Variants in GATD1 observed in about 807,000 individuals in gnomAD.
GATD1 encodes the protein glutamine amidotransferase class 1 domain containing 1.
A neutral mutation model predicts 25.9 loss-of-function variants in GATD1; 23 were observed. The ratio of observed to expected loss-of-function variants is 0.89; its 90% CI spans 0.64 to 1.26. The LOEUF (loss-of-function observed/expected upper bound fraction) is 1.26. Ranked by LOEUF, GATD1 falls within the 50% of genes most tolerant of loss-of-function variation. The pLI, the probability that GATD1 is intolerant of heterozygous loss-of-function variation, is 0.00. For synonymous variants in GATD1, 177 were observed against 134.6 expected (o/e 1.31, Z -2.18); for missense variants, 347 against 312.5 (o/e 1.11, Z -0.83).
rs1863178338 is a variant in GATD1 at position 768,406 on chromosome 11, C to A, written c.*2491G>T. The A allele has an allele frequency of 6.7e-6, 1 of 150,356 alleles. No individual in the cohort carries two copies. Among genetic ancestry groups the A allele is most frequent in the Admixed American group, 6.7e-5 (1 of 15,004 alleles). The allele number at this position is 150,356 out of a possible 1,614,324, so 9.3% of individuals were successfully genotyped here. On this transcript the variant is annotated 3_prime_UTR_variant, in exon 8 of 8. Transcript: ENST00000319863. Reference sequence around the variant, plus strand: ...ACTGCTTGAATCTGGGAGGCAGAGGCAGAGGTTGCAGTGAGCTGAGATCGC... The same window carrying A: ...ACTGCTTGAATCTGGGAGGCAGAGGAAGAGGTTGCAGTGAGCTGAGATCGC...
At chr11:776,785 TG>T (rs2133659469) in intron 1 of GATD1, 1 of 152,872 alleles carries the variant, frequency 6.5e-6, no homozygotes, top group South Asian at 2.1e-4. Context: ...CCTGCTGCCC[TG>T]AGACCCTGCA....
At position 771,091 on chromosome 11, in the gene GATD1, G is replaced by A. The variant is rs368137813; in HGVS notation, c.558C>T (p.Asp186=). ...GGCGGTCCAGCACGACGTGGACAGC[G>A]TCAGGCTCGCTTGCTGGGGAGGACC... ...SGACFSASEP[D]AVHVVLDRHL... is the part of the protein sequence containing the mutation. Residue 186 remains aspartate (D), a synonymous_variant, in exon 7 of 8, where the codon GAC becomes GAT. Transcript: ENST00000319863. 28 of 1,602,568 alleles carry A rather than the reference G, an allele frequency of 1.7e-5. No individual in the cohort carries two copies. Among genetic ancestry groups the A allele is most frequent in the African/African-American group, 8.0e-5 (6 of 74,674 alleles).
At position 767,380 on chromosome 11, in the gene GATD1, A is replaced by G. The variant is rs1863109228; in HGVS notation, c.*3517T>C. 1.3e-6 allele frequency: 2 copies of G among 1,535,670 alleles called. No homozygotes were observed. The highest frequency in any genetic ancestry group is 1.7e-6 in the Non-Finnish European group (2 of 1,146,630). ...TGCTGCCCCAAGCCCTGCCCTGGCA[A>G]AGAGAGAACTGTGCACAGCGGGGAG... On this transcript the variant is annotated 3_prime_UTR_variant, in exon 8 of 8. Coordinates refer to ENST00000319863, the MANE Select transcript of GATD1 (RefSeq NM_182612.4).
chr11:771,450 C>T (rs994490763), intron 5 of GATD1, 24 bp from the exon 6 acceptor site: 8 of 1,512,368 alleles, frequency 5.3e-6, no homozygotes, highest in African/African-American at 1.4e-5. Flanking sequence ...GTGGGGGCTC[C>T]TGAGACAGGC....
At chr11:774,233 C>T (rs1250397290) in intron 2 of GATD1, 120 bp from the exon 3 acceptor site, 3 of 752,588 alleles carry the variant, frequency 4.0e-6, no homozygotes, top group African/African-American at 1.7e-5. Flanking sequence ...CAAAGGCCCC[C>T]GACCACCCAG....
At position 770,027 on chromosome 11, in the gene GATD1, A is replaced by C. The variant is rs1377268439; in HGVS notation, c.*870T>G. 36 of 1,100,302 alleles carry C rather than the reference A, an allele frequency of 3.3e-5. No individual in the cohort carries two copies. The East Asian group carries it at 1.2e-3, about 38-fold the overall frequency. 68.2% of individuals were successfully genotyped at this position (1,100,302 alleles called of 1,614,324 possible). On this transcript the variant is annotated 3_prime_UTR_variant, in exon 8 of 8. Coordinates refer to ENST00000319863, the MANE Select transcript of GATD1 (RefSeq NM_182612.4). ...TGAGACGGGGAGGTGGGCAGGAAGA[A>C]GGCCTTCGATGGCTCAAACTGGGGA... is the stretch of plus-strand genomic sequence containing the variant.
intron 2 of GATD1, among the ~76,000 whole-genome samples, chr11:774,338 T>C (rs1448752974): frequency 6.6e-6 from 1 of 152,226 alleles, no homozygotes; most frequent in Non-Finnish European, 1.5e-5. Flanking sequence ...AAAATTTTTA[T>C]ACATAATAAA....
In GATD1 at chr11:770,687, A is replaced by G; in HGVS notation, c.*210T>C. The G allele has an allele frequency of 1.4e-6, 2 of 1,427,818 alleles. No homozygotes were observed. The highest frequency in any genetic ancestry group is 2.9e-5 in the Admixed American group (1 of 35,070). The allele number at this position is 1,427,818 out of a possible 1,614,324, so 88.4% of individuals were successfully genotyped here. On this transcript the variant is annotated 3_prime_UTR_variant, in exon 8 of 8. Transcript: ENST00000319863. ...TTTTCTCTGCCTCCTACCAGAGAAC[A>G]TGCAGGAGGATGGGGGTTTGGACCC... is the stretch of plus-strand genomic sequence containing the variant.
chr11:771,685 G>A (rs954423385), intron 5 of GATD1, among the ~76,000 whole-genome samples: 1 of 152,200 alleles, frequency 6.6e-6, no homozygotes, highest in Non-Finnish European at 1.5e-5. Context: ...GAGCACACAG[G>A]TGACTAGAAT....
chr11:776,942 T>A (rs1204207052), intron 1 of GATD1: 1 of 152,782 alleles, frequency 6.5e-6, no homozygotes, highest in East Asian at 1.9e-4. Context: ...AGCCGGTGGC[T>A]CAGAAGGTCA....
Position 773,546 on chromosome 11 carries a change from G to C in GATD1, c.331C>G (p.Leu111Val), listed in dbSNP as rs765434239. ...CTGCTCTCAGAGTGGAAGTGCTGCA[G>C]GATACGGGCCAGGGAGCCACTGCTG... ...LASSGSLARI[L>V]QHFHSESKPI... Residue 111 changes from leucine to valine, a missense_variant, in exon 4 of 8, where the codon CTG (leucine) becomes GTG (valine). Transcript: ENST00000319863. 3 of 1,610,500 alleles carry C rather than the reference G, an allele frequency of 1.9e-6. No homozygotes were observed. Among genetic ancestry groups the C allele is most frequent in the Admixed American group, 3.4e-5 (2 of 59,344 alleles).
chr11:772,383 G>A (rs533205329), intron 5 of GATD1, 44 bp downstream of exon 5: 1 of 1,395,850 alleles, frequency 7.2e-7, no homozygotes, highest in Admixed American at 1.7e-5. Context: ...GATGGGGGAG[G>A]ACAGAGCAGG....
In GATD1 at chr11:771,345, C is replaced by T. The variant is rs576751525; in HGVS notation, c.532G>A (p.Ala178Thr). The part of the protein sequence containing the change: ...VVEDFVKDSG[A>T]CFSASEPDAV... ...CCTCGAGGCTCACCACTGAAGCAGG[C>T]GCCCGAATCCTTCACGAAGTCCTCC... The change falls in exon 6 of 8, where the codon GCC (alanine) becomes ACC (threonine). Residue 178 changes from alanine (A) to threonine (T), a missense_variant. Coordinates refer to ENST00000319863, the MANE Select transcript of GATD1 (RefSeq NM_182612.4). 60 of 1,597,634 alleles carry T rather than the reference C, an allele frequency of 3.8e-5. No individual in the cohort carries two copies. Among genetic ancestry groups the T allele is most frequent in the South Asian group, 2.2e-4 (20 of 89,540 alleles).
chr11:771,582 C>A (rs113277120), intron 5 of GATD1, 156 bp from the exon 6 acceptor site: 1 of 1,395,606 alleles, frequency 7.2e-7, no homozygotes, highest in Non-Finnish European at 9.3e-7. Flanking sequence ...GGCTGGAGGG[C>A]GGAGAGATGA....
In GATD1 at chr11:772,519, G is replaced by A. The variant is rs943921215; in HGVS notation, c.358C>T (p.Pro120Ser). Residue 120 changes from proline (P) to serine (S), a missense_variant and splice_region_variant, in exon 5 of 8, where the codon CCC becomes TCC. Physicochemically the swap from Pro to Ser is moderately conservative, Grantham distance 74 (BLOSUM62 -1). Transcript: ENST00000319863. ...ILQHFHSESK[P>S]ICAVGHGVAA... The stretch of plus-strand genomic sequence containing the variant: ...ACACCGTGGCCGACGGCGCAGATGG[G>A]TTCTGAAAGCCGTACATGGCGTTGA... 1 of 1,610,472 alleles carries A rather than the reference G, an allele frequency of 6.2e-7. No individual in the cohort carries two copies. The highest frequency in any genetic ancestry group is 8.5e-7 in the Non-Finnish European group (1 of 1,179,878).
rs1253378324 is a variant in GATD1, at chr11:774,063, C to T, written c.192G>A (p.Val64=). 7 of 1,613,732 alleles carry T rather than the reference C, an allele frequency of 4.3e-6. No homozygotes were observed. Among genetic ancestry groups the T allele is most frequent in the East Asian group, 2.2e-5 (1 of 44,884 alleles). ...VDVTESNARW[V]QDFRLKAYAS... The stretch of plus-strand genomic sequence containing the variant: ...CGTAAGCCTTGAGGCGGAAGTCTTG[C>T]ACCCAGCGTGCATTGCTCTCAGTCA... Residue 64 remains valine (V), a synonymous_variant, in exon 3 of 8, where the codon GTG becomes GTA. Coordinates refer to ENST00000319863, the MANE Select transcript of GATD1 (RefSeq NM_182612.4).
intron 6 of GATD1, 85 bp downstream of exon 6, chr11:771,248 G>T (rs116697492): frequency 6.4e-7 from 1 of 1,554,576 alleles, no homozygotes; most frequent in Admixed American, 1.9e-5. Context: ...AGAACCCAGG[G>T]CCCAGGAGGC....
intron 3 of GATD1, 63 bp from the exon 4 acceptor site, chr11:773,692 G>A: frequency 7.8e-7 from 1 of 1,283,076 alleles, no homozygotes; most frequent in Non-Finnish European, 1.1e-6. Flanking sequence ...TGCAGGACCA[G>A]GCCCGAGTGC....
At position 772,508 on chromosome 11, in the gene GATD1, G is replaced by A. The variant is rs200422394; in HGVS notation, c.369C>T (p.Ala123=). Residue 123 remains alanine (A), a synonymous_variant, in exon 5 of 8, where the codon GCC becomes GCT. Coordinates refer to ENST00000319863, the MANE Select transcript of GATD1 (RefSeq NM_182612.4). ...HFHSESKPIC[A]VGHGVAALCC... ...ACAGGGCGGCGACACCGTGGCCGAC[G>A]GCGCAGATGGGTTCTGAAAGCCGTA... 2.4e-4 allele frequency: 391 copies of A among 1,611,390 alleles called. No individual in the cohort carries two copies. The highest frequency in any genetic ancestry group is 3.2e-4 in the Non-Finnish European group (373 of 1,179,924).
Sources: gnomAD v4.1 joint callset for allele counts (sites outside exome capture counted in the v4.1 genomes callset) on GRCh38, gnomAD v4.1.1 for gene constraint, MANE v1.5 for transcripts, NCBI Gene and HGNC (gene_info 2026-07-23, HGNC 2026-07-21) for gene names.